Variants in TANC2 observed in about 807,000 individuals in gnomAD.
TANC2 encodes the protein tetratricopeptide repeat, ankyrin repeat and coiled-coil containing 2, also known as protein TANC2.
In TANC2, 26 loss-of-function variants were observed where a neutral mutation model predicts 210.5. The observed-to-expected ratio is 0.12, with a 90% confidence interval of 0.09 to 0.17. The LOEUF is 0.17. Ranked by LOEUF, TANC2 falls within the 10% of genes least tolerant of loss-of-function variation. The pLI is 1.00. For missense variants in TANC2, 2,129 were observed against 2,608.9 expected (o/e 0.82, Z 4.01); for synonymous variants, 931 against 967.1 (o/e 0.96, Z 0.69).
At position 63,418,521 on chromosome 17, in the gene TANC2, C is replaced by T. The variant is rs978770108; in HGVS notation, c.4268+114C>T. The stretch of plus-strand genomic sequence containing the variant: ...CCAAATACATCTCTGTCCTTGAGAA[C>T]TGTCAGGGCCAAGCTTTGGGGATGG... On this transcript the variant is annotated intron_variant, in intron 27 of 27. Coordinates refer to ENST00000689528, the Ensembl canonical transcript of TANC2. This position sits in a 1 kb window ranked among gnomAD's most constrained non-coding sequence, Gnocchi z 4.6. 3.5e-5 allele frequency: 31 copies of T among 884,668 alleles called. No homozygotes were observed. The highest frequency in any genetic ancestry group is 5.3e-5 in the Non-Finnish European group (31 of 580,664). The allele number at this position is 884,668 out of a possible 1,614,324, so 54.8% of individuals were successfully genotyped here.
chr17:63,427,168 T>G (rs1242935220), exon 28 of TANC2: 2 of 152,296 alleles, frequency 1.3e-5, no homozygotes, highest in Non-Finnish European at 2.9e-5. Flanking sequence ...TGGCCTCCTT[T>G]CCATCTAGCA....
At chr17:63,209,072 C>T (rs1415800658) in intron 7 of TANC2, among the ~76,000 whole-genome samples, 1 of 151,922 alleles carries the variant, frequency 6.6e-6, no homozygotes, top group Non-Finnish European at 1.5e-5. Flanking sequence ...GTGTTGCAAT[C>T]TTAGCTCACT....
In TANC2 at chr17:63,046,325, C is replaced by CTTTTTTTTTTTTTTTTTTTTTTTT. The variant is rs57550590; in HGVS notation, c.68-27617_68-27594dup. Among the ~76,000 whole-genome samples, 5 of 44,142 alleles carry CTTTTTTTTTTTTTTTTTTTTTTTT rather than the reference C, an allele frequency of 1.1e-4. 1 individual carries two copies. Among genetic ancestry groups the CTTTTTTTTTTTTTTTTTTTTTTTT allele is most frequent in the African/African-American group, 3.5e-4 (3 of 8,536 alleles). 29.0% of individuals were successfully genotyped at this position (44,142 alleles called of 152,430 possible). A position where few individuals can be genotyped will look rare whatever the true frequency, so the allele number is the denominator to read the frequency against. ...CAGGTGCGTGCCACCACACCCAGCT[C>CTTTTTTTTTTTTTTTTTTTTTTTT]TTTTTTTTTTTTTTTTTTTTTTTTG... On this transcript the variant is annotated intron_variant, in intron 2 of 27. Transcript: ENST00000689528.
chr17:63,098,461 CACACACACACACACACACA>C (rs1362452829), intron 3 of TANC2, among the ~76,000 whole-genome samples: 10,272 of 56,222 alleles, frequency 0.18, 778 homozygotes, highest in African/African-American at 0.4. Context: ...CACACACACA[CACACACACACACACACACA>C]TACACTCTCT....
intron 14 of TANC2, among the ~76,000 whole-genome samples, chr17:63,364,633 A>G (rs148164429): frequency 1.6e-4 from 24 of 152,306 alleles, no homozygotes; most frequent in African/African-American, 5.8e-4. Context: ...TTCATGAAGC[A>G]TTTACAGGCC....
intron 4 of TANC2, among the ~76,000 whole-genome samples, chr17:63,136,766 C>T (rs2039104243): frequency 6.6e-6 from 1 of 152,066 alleles, no homozygotes; most frequent in African/African-American, 2.4e-5. Flanking sequence ...AATGTGATCC[C>T]TGAGAGAAAG....
chr17:63,395,768 A>G (rs1216292593), exon 18 of TANC2: 3 of 1,613,548 alleles, frequency 1.9e-6, no homozygotes, highest in Non-Finnish European at 2.5e-6. Context: ...AAGAACGGGC[A>G]GTGTGCTTTG....
chr17:63,280,662 C>G (rs1036252814), intron 9 of TANC2, among the ~76,000 whole-genome samples: 7 of 151,996 alleles, frequency 4.6e-5, no homozygotes, highest in African/African-American at 1.7e-4. Context: ...TTAAATACAT[C>G]TGTTACTTCT....
intron 26 of TANC2, among the ~76,000 whole-genome samples, chr17:63,417,649 T>C (rs891882982): frequency 1.3e-5 from 2 of 152,204 alleles, no homozygotes; most frequent in Admixed American, 1.3e-4. Flanking sequence ...GCACCTACTA[T>C]GTGCCGGGAA....
At chr17:63,273,222 G>A (rs2043768895) in intron 9 of TANC2, among the ~76,000 whole-genome samples, 1 of 152,168 alleles carries the variant, frequency 6.6e-6, no homozygotes, top group Non-Finnish European at 1.5e-5. Context: ...TGAGGCCAAA[G>A]CTACAGTGAG....
intron 2 of TANC2, among the ~76,000 whole-genome samples, chr17:63,059,940 A>G (rs2035936502): frequency 6.6e-6 from 1 of 152,148 alleles, no homozygotes; most frequent in Non-Finnish European, 1.5e-5. Flanking sequence ...GTCCACTGCT[A>G]CTGGATCAGT....
intron 20 of TANC2, among the ~76,000 whole-genome samples, chr17:63,405,589 A>C (rs1335233024): frequency 6.6e-6 from 1 of 152,228 alleles, no homozygotes; most frequent in East Asian, 1.9e-4. Context: ...CAGATGTCTG[A>C]GACTTACTAA....
At chr17:63,263,194 A>T (rs1039509301) in intron 8 of TANC2, among the ~76,000 whole-genome samples, 6 of 152,136 alleles carry the variant, frequency 3.9e-5, no homozygotes, top group Non-Finnish European at 8.8e-5. Context: ...TAAATGTAAA[A>T]CTCTATATAT....
chr17:63,077,982 C>T (rs2036631589), intron 3 of TANC2, among the ~76,000 whole-genome samples: 1 of 152,068 alleles, frequency 6.6e-6, no homozygotes. Flanking sequence ...TTTCTAATGT[C>T]TTTATCTGGT....
chr17:63,212,110 A>G (rs561409280), intron 7 of TANC2, among the ~76,000 whole-genome samples: 4 of 152,058 alleles, frequency 2.6e-5, no homozygotes, highest in East Asian at 3.9e-4. Context: ...GTTCCCACCT[A>G]TGAGTGAGAA....
chr17:63,161,691 C>G (rs962227535), intron 5 of TANC2, among the ~76,000 whole-genome samples: 1 of 152,110 alleles, frequency 6.6e-6, no homozygotes, highest in Non-Finnish European at 1.5e-5. Context: ...TCTCTGTGCT[C>G]ACTTTGTTGG....
intron 1 of TANC2, among the ~76,000 whole-genome samples, chr17:63,001,809 A>G (rs1224616867): frequency 6.6e-6 from 1 of 152,106 alleles, no homozygotes; most frequent in Admixed American, 6.5e-5. Context: ...CTACCTCCCA[A>G]AGTGTTGAGA....
intron 3 of TANC2, among the ~76,000 whole-genome samples, chr17:63,075,537 A>T (rs2014507): frequency 0.5 from 74,070 of 148,110 alleles, 19,183 homozygotes; most frequent in African/African-American, 0.67. Context: ...AAATATATAT[A>T]TTTTTTTATA....
chr17:63,079,994 G>A (rs1331005576), intron 3 of TANC2, among the ~76,000 whole-genome samples: 1 of 152,124 alleles, frequency 6.6e-6, no homozygotes, highest in Non-Finnish European at 1.5e-5. Context: ...TATGACTGCC[G>A]CAGGTTAGGT....
Sources: allele counts gnomAD v4.1 joint callset (sites outside exome capture counted in the v4.1 genomes callset), GRCh38; gene constraint gnomAD v4.1.1; non-coding constraint Gnocchi (gnomAD v3.1); transcripts MANE v1.5; gene names NCBI Gene and HGNC (gene_info 2026-07-23, HGNC 2026-07-21).